The following RFC3 variants were observed in gnomAD, a reference collection of about 807,000 sequenced individuals.
RFC3 encodes A1 38 kDa subunit.
Under a neutral mutation model 45.1 loss-of-function variants are expected in RFC3, and 41 were observed. That is an observed-to-expected ratio of 0.91 (90% confidence interval 0.71 to 1.18). The LOEUF (loss-of-function observed/expected upper bound fraction) is 1.18, where lower values mean the gene tolerates loss of function less well. Ranked by LOEUF, RFC3 falls within the 50% of genes most tolerant of loss-of-function variation. The probability of loss-of-function intolerance (pLI) is 0.00; values close to 1 mark genes in which losing one functional copy is unlikely to be tolerated. For missense variants in RFC3, 423 were observed against 428.1 expected (o/e 0.99, Z 0.10); for synonymous variants, 149 against 144.0 (o/e 1.03, Z -0.25).
exon 9 of RFC3, chr13:33,966,239 C>G: frequency 2.5e-6 from 2 of 800,440 alleles, no homozygotes; most frequent in Middle Eastern, 2.2e-4. Flanking sequence ...CTTCAGAGCT[C>G]AAGATTCAGA....
rs1178690655 is a variant in RFC3 at position 33,836,248 on chromosome 13, CT to C, written c.1027del (p.Tyr343IlefsTer12). 3.1e-6 allele frequency: 5 copies of C among 1,613,322 alleles called. No homozygotes were observed. The highest frequency in any genetic ancestry group is 1.7e-6 in the Non-Finnish European group (2 of 1,179,452). On this transcript the variant is annotated frameshift_variant, in exon 9 of 9. Coordinates refer to ENST00000380071, the MANE Select transcript of RFC3 (RefSeq NM_002915.4). LOFTEE classifies it high-confidence loss of function. ...AGCGTTTGTGGCCAAATTCATGGCA[CT>C]TTATAAGAAGTTCATGGAGGATGGA... ...LEAFVAKFMA[L>X]YKKFMEDGLE...
At chr13:33,953,067 T>C (rs951136309) in intron 8 of RFC3, among the ~76,000 whole-genome samples, 7 of 152,158 alleles carry the variant, frequency 4.6e-5, no homozygotes, top group African/African-American at 1.7e-4. Context: ...TTAGCTCACA[T>C]TGAAAAGAAA....
At chr13:33,894,369 G>A (rs1318751602) in intron 8 of RFC3, among the ~76,000 whole-genome samples, 1 of 152,204 alleles carries the variant, frequency 6.6e-6, no homozygotes, top group Non-Finnish European at 1.5e-5. Context: ...AGTGGGAATG[G>A]AGGGAAGTCG....
chr13:33,911,243 G>A (rs1336921249), intron 8 of RFC3, among the ~76,000 whole-genome samples: 3 of 152,088 alleles, frequency 2.0e-5, no homozygotes, highest in African/African-American at 7.2e-5. Flanking sequence ...GCTGGTGAAT[G>A]AGAGAGCTCA....
chr13:33,862,403 G>A lies in RFC3; in HGVS notation c.879+27186G>A, dbSNP rs183998060. ...TGAAGAAAACGCTTAGAGATTTCCC[G>A]TGACTTGAATCAGCTTCAATGTCTT... On this transcript the variant is annotated intron_variant, in intron 8 of 8. Transcript: ENST00000434425. Among the ~76,000 whole-genome samples the A allele has an allele frequency of 4.7e-4, 72 of 152,180 alleles. No homozygotes were observed. The South Asian group carries it at 4.8e-3, about 10-fold the overall frequency.
At chr13:33,886,099 A>G (rs899109039) in intron 8 of RFC3, among the ~76,000 whole-genome samples, 6 of 152,068 alleles carry the variant, frequency 3.9e-5, no homozygotes, top group Non-Finnish European at 4.4e-5. Context: ...CATGTGGTAA[A>G]CCTGAGACTT....
chr13:33,825,298 GTC>G (rs1339946857), intron 3 of RFC3, among the ~76,000 whole-genome samples: 3 of 152,072 alleles, frequency 2.0e-5, no homozygotes, highest in Non-Finnish European at 2.9e-5. Context: ...GCTTTACTGA[GTC>G]TCTGAATCAG....
At chr13:33,852,658 G>A (rs2082283870) in intron 8 of RFC3, among the ~76,000 whole-genome samples, 1 of 152,120 alleles carries the variant, frequency 6.6e-6, no homozygotes, top group Non-Finnish European at 1.5e-5. Context: ...TTGGACTTTA[G>A]GGATTAAATG....
At chr13:33,866,122 C>G (rs2082372029) in intron 8 of RFC3, among the ~76,000 whole-genome samples, 1 of 152,172 alleles carries the variant, frequency 6.6e-6, no homozygotes, top group African/African-American at 2.4e-5. Context: ...GACAGTAGTT[C>G]TTGGTTGGCT....
rs187959460 is a variant in RFC3, at chr13:33,862,196, A to G, written c.879+26979A>G. Among the ~76,000 whole-genome samples, 127 of 149,860 alleles carry G rather than the reference A, an allele frequency of 8.5e-4. 2 individuals are homozygous for G. The highest frequency in any genetic ancestry group is 5.4e-3 in the Admixed American group (82 of 15,048). The stretch of plus-strand genomic sequence containing the variant: ...GCCCTGTCGGCATTTTCTCCCAGAT[A>G]TTTGGCTGAGTGCCATACTGAAGAA... On this transcript the variant is annotated intron_variant, in intron 8 of 8. Coordinates refer to the RFC3 transcript ENST00000434425.
intron 8 of RFC3, among the ~76,000 whole-genome samples, chr13:33,950,054 T>C (rs1487325959): frequency 9.1e-6 from 1 of 109,718 alleles, no homozygotes; most frequent in Non-Finnish European, 1.8e-5. Flanking sequence ...TCTTTCTCCC[T>C]CTCTCTCTCT....
the RFC3 span, among the ~76,000 whole-genome samples, chr13:33,972,382 C>G: frequency 6.6e-6 from 1 of 152,186 alleles, no homozygotes; most frequent in Non-Finnish European, 1.5e-5. Context: ...CAACTGTCTT[C>G]AGTGTGTGTT....
chr13:33,822,169 G>C (rs557113210), intron 2 of RFC3, among the ~76,000 whole-genome samples: 124 of 152,282 alleles, frequency 8.1e-4, no homozygotes, highest in Admixed American at 1.6e-3. Context: ...GTATGTTGTG[G>C]AAATTCGTAT....
chr13:33,865,863 G>A (rs1277402316), intron 8 of RFC3, among the ~76,000 whole-genome samples: 2 of 152,126 alleles, frequency 1.3e-5, no homozygotes, highest in Non-Finnish European at 2.9e-5. Flanking sequence ...AGACCAGCCT[G>A]ACCAACATGG....
chr13:33,950,378 T>TA (rs1216166196), intron 8 of RFC3, among the ~76,000 whole-genome samples: 1 of 152,102 alleles, frequency 6.6e-6, no homozygotes, highest in Non-Finnish European at 1.5e-5. Context: ...GCACTATTAG[T>TA]AAAAATATCG....
At chr13:33,913,316 G>A (rs1414357585) in intron 8 of RFC3, among the ~76,000 whole-genome samples, 2 of 152,088 alleles carry the variant, frequency 1.3e-5, no homozygotes, top group African/African-American at 2.4e-5. Context: ...AACGGGAGAA[G>A]GAGGAGCAGA....
chr13:33,905,550 T>A (rs1452680068), intron 8 of RFC3, among the ~76,000 whole-genome samples: 1 of 152,022 alleles, frequency 6.6e-6, no homozygotes, highest in Non-Finnish European at 1.5e-5. Context: ...TATAACAATA[T>A]CTACATTCTT....
chr13:33,969,744 T>C (rs2083102289), downstream of RFC3, among the ~76,000 whole-genome samples: 1 of 152,178 alleles, frequency 6.6e-6, no homozygotes, highest in South Asian at 2.1e-4. Context: ...GATAACTTCT[T>C]CAGCCCCCAG....
At chr13:33,907,139 C>A (rs961902428) in intron 8 of RFC3, among the ~76,000 whole-genome samples, 2 of 152,044 alleles carry the variant, frequency 1.3e-5, no homozygotes, top group African/African-American at 4.8e-5. Context: ...CTGTATTTTT[C>A]TGTTGCTCAC....
Sources: allele counts gnomAD v4.1 joint callset (sites outside exome capture counted in the v4.1 genomes callset), GRCh38; gene constraint gnomAD v4.1.1; transcripts MANE v1.5; gene names NCBI Gene and HGNC (gene_info 2026-07-23, HGNC 2026-07-21).